The following RPRD1A variants were observed in gnomAD, a reference collection of about 807,000 sequenced individuals.
RPRD1A encodes the protein regulation of nuclear pre-mRNA domain containing 1A.
Under a neutral mutation model 37.8 loss-of-function variants are expected in RPRD1A, and 9 were observed. That is an observed-to-expected ratio of 0.24 (90% confidence interval 0.14 to 0.42). The LOEUF (loss-of-function observed/expected upper bound fraction) is 0.42. Ranked by LOEUF, RPRD1A falls within the 10% of genes least tolerant of loss-of-function variation. RPRD1A has a pLI of 1.00. For missense variants in RPRD1A, 255 were observed against 371.0 expected (o/e 0.69, Z 2.57); for synonymous variants, 138 against 139.7 (o/e 0.99, Z 0.08).
chr18:36,053,233 T>C (rs1472303894), intron 1 of RPRD1A, among the ~76,000 whole-genome samples: 2 of 152,174 alleles, frequency 1.3e-5, no homozygotes, highest in Non-Finnish European at 2.9e-5. Flanking sequence ...TTCAGGGGTT[T>C]TTAGTGCATT....
intron 6 of RPRD1A, among the ~76,000 whole-genome samples, chr18:36,015,179 C>T (rs1295431298): frequency 0.013 from 1,682 of 132,004 alleles, 38 homozygotes; most frequent in African/African-American, 0.056. Flanking sequence ...TATATACACA[C>T]ACACACACAC....
intron 1 of RPRD1A, among the ~76,000 whole-genome samples, chr18:36,063,430 A>C (rs1176475627): frequency 1.3e-5 from 2 of 152,202 alleles, no homozygotes; most frequent in Non-Finnish European, 2.9e-5. Flanking sequence ...AGCCTCCTAA[A>C]GTGCTGGGAT....
intron 6 of RPRD1A, among the ~76,000 whole-genome samples, chr18:35,997,080 A>G (rs951295304): frequency 2.0e-5 from 3 of 152,004 alleles, no homozygotes; most frequent in Admixed American, 6.6e-5. Flanking sequence ...TAAACTATAT[A>G]GAATTTTTAT....
chr18:36,060,421 G>A lies in RPRD1A; in HGVS notation c.151+6833C>T, dbSNP rs143057722. 7.3e-3 allele frequency among the ~76,000 whole-genome samples: 1,102 copies of A among 151,978 alleles called. 16 individuals are homozygous for A. Among genetic ancestry groups the A allele is most frequent in the African/African-American group, 0.025 (1,020 of 41,434 alleles). On this transcript the variant is annotated intron_variant, in intron 1 of 6. Coordinates refer to ENST00000399022, the MANE Select transcript of RPRD1A (RefSeq NM_018170.5). ...TGCACTCCAGCCTGGGCAACAAAGC[G>A]AGACTCTGTCTCAAAAAAAATAAAA...
intron 6 of RPRD1A, chr18:36,026,612 A>G (rs1911387240): frequency 4.0e-6 from 1 of 250,046 alleles, no homozygotes. Flanking sequence ...TTTCTGTGAT[A>G]CATTAGGGTT....
At chr18:36,025,486 TTC>T (rs1238144751) in intron 6 of RPRD1A, 3 of 451,218 alleles carry the variant, frequency 6.6e-6, no homozygotes, top group Non-Finnish European at 7.3e-6. Context: ...CAAATATAAA[TTC>T]TGTTTTTGTA....
rs745662634 is a variant in RPRD1A at position 36,027,227 on chromosome 18, T to G, written c.570A>C (p.Leu190Phe). The change falls in exon 5 of 7, where the codon TTA becomes TTC. Residue 190 changes from leucine (L) to phenylalanine (F), a missense_variant. Physicochemically the swap from Leu to Phe is conservative, Grantham distance 22 (BLOSUM62 0). Around this residue, in one of 2 missense-constraint regions of RPRD1A, gnomAD observed 211 missense variants for 268.9 expected, o/e 0.78. Coordinates refer to ENST00000399022, the MANE Select transcript of RPRD1A (RefSeq NM_018170.5). ...GAGATACTTCTTGGACTTCAACAGG[T>G]AAAGAAGCTATCCTCTGATGAACTG... ...DAAVHQRIAS[L>F]PVEVQEVSLL... 18 of 1,613,410 alleles carry G rather than the reference T, an allele frequency of 1.1e-5. No homozygotes were observed. Among genetic ancestry groups the G allele is most frequent in the Non-Finnish European group, 1.5e-5 (18 of 1,179,456 alleles).
At chr18:36,001,295 T>G (rs938980857) in intron 6 of RPRD1A, among the ~76,000 whole-genome samples, 1 of 152,178 alleles carries the variant, frequency 6.6e-6, no homozygotes, top group African/African-American at 2.4e-5. Flanking sequence ...ATAAGCAGCA[T>G]TTAACTTTGG....
intron 1 of RPRD1A, among the ~76,000 whole-genome samples, chr18:36,039,386 T>C (rs980785429): frequency 3.3e-5 from 5 of 152,228 alleles, no homozygotes; most frequent in Non-Finnish European, 7.3e-5. Flanking sequence ...TGGTAATAAA[T>C]GTTCAGTTCA....
At chr18:36,036,731 C>T (rs982942719) in intron 1 of RPRD1A, among the ~76,000 whole-genome samples, 1 of 152,034 alleles carries the variant, frequency 6.6e-6, no homozygotes, top group African/African-American at 2.4e-5. Flanking sequence ...AAGAAAATCA[C>T]ACAAAAAATT....
chr18:36,037,301 C>CAT (rs1912260465), intron 1 of RPRD1A, among the ~76,000 whole-genome samples: 1 of 152,116 alleles, frequency 6.6e-6, no homozygotes, highest in South Asian at 2.1e-4. Flanking sequence ...CAGCTACCTC[C>CAT]ATGTTTTTCT....
At chr18:36,066,823 T>C (rs1328940554) in intron 1 of RPRD1A, among the ~76,000 whole-genome samples, 1 of 152,222 alleles carries the variant, frequency 6.6e-6, no homozygotes, top group Non-Finnish European at 1.5e-5. Context: ...TATTCCTCTA[T>C]TAATTTCACA....
intron 1 of RPRD1A, among the ~76,000 whole-genome samples, chr18:36,049,637 CAG>C (rs1264153685): frequency 1.3e-5 from 2 of 152,176 alleles, no homozygotes; most frequent in Non-Finnish European, 2.9e-5. Context: ...TAGCATGTGT[CAG>C]AATATCCTTT....
chr18:36,062,919 A>C (rs1218387748), intron 1 of RPRD1A: 5 of 152,226 alleles, frequency 3.3e-5, no homozygotes, highest in Non-Finnish European at 5.9e-5. Flanking sequence ...CTTTGAATGG[A>C]TAAAAGGTGT....
At chr18:36,055,944 T>C (rs1452531459) in intron 1 of RPRD1A, among the ~76,000 whole-genome samples, 2 of 152,160 alleles carry the variant, frequency 1.3e-5, no homozygotes, top group Non-Finnish European at 2.9e-5. Flanking sequence ...AAATGAACTT[T>C]TCACAAAATT....
At chr18:36,006,232 G>C (rs1049136697) in intron 6 of RPRD1A, among the ~76,000 whole-genome samples, 4 of 152,320 alleles carry the variant, frequency 2.6e-5, no homozygotes, top group Non-Finnish European at 5.9e-5. Flanking sequence ...CATCTGGAGT[G>C]CAGTGGCGTC....
chr18:36,045,199 C>G (rs948940669), intron 1 of RPRD1A, among the ~76,000 whole-genome samples: 2 of 152,240 alleles, frequency 1.3e-5, no homozygotes, highest in African/African-American at 4.8e-5. Flanking sequence ...AAGATCGCAC[C>G]ACTGCACTCC....
intron 6 of RPRD1A, among the ~76,000 whole-genome samples, chr18:36,001,108 G>A (rs1236719930): frequency 3.3e-5 from 5 of 152,110 alleles, no homozygotes; most frequent in South Asian, 2.1e-4. Flanking sequence ...TATAGGCCCC[G>A]TGATAAATTT....
intron 6 of RPRD1A, among the ~76,000 whole-genome samples, chr18:36,022,343 GCTACA>G (rs1445243393): frequency 1.3e-5 from 2 of 152,194 alleles, no homozygotes; most frequent in Non-Finnish European, 2.9e-5. Flanking sequence ...GATGACGGTG[GCTACA>G]CTAAACAACA....
Sources: gnomAD v4.1 joint callset for allele counts (sites outside exome capture counted in the v4.1 genomes callset) on GRCh38, gnomAD v4.1.1 for gene constraint, gnomAD v4.1.1 regional missense constraint, MANE v1.5 for transcripts, NCBI Gene and HGNC (gene_info 2026-07-23, HGNC 2026-07-21) for gene names.